LRRIQ3: variants seen among roughly 807,000 people sequenced by gnomAD.
The protein encoded by LRRIQ3 is leucine rich repeats and IQ motif containing 3.
Under a neutral mutation model 59.3 loss-of-function variants are expected in LRRIQ3, and 75 were observed. The observed-to-expected ratio is 1.26, with a 90% CI of 1.05 to 1.53. The LOEUF is 1.53. Ranked by LOEUF, LRRIQ3 falls within the 40% of genes most tolerant of loss-of-function variation. The probability of loss-of-function intolerance (pLI) is 0.00; values close to 1 mark genes in which losing one functional copy is unlikely to be tolerated. For synonymous variants in LRRIQ3, 250 were observed against 231.3 expected, an observed-to-expected ratio of 1.08 and a Z score of -0.73; for missense variants, 831 against 710.0, an observed-to-expected ratio of 1.17 and a Z score of -1.94.
chr1:74,077,638 G>A (rs1646225180), intron 5 of LRRIQ3, among the ~76,000 whole-genome samples: 1 of 151,788 alleles, frequency 6.6e-6, no homozygotes, highest in Non-Finnish European at 1.5e-5. Flanking sequence ...GTCATTGCTT[G>A]CCACATTTTA....
rs532642328 is a variant in LRRIQ3 at position 74,131,165 on chromosome 1, A to G, written c.708-21612T>C. On this transcript the variant is annotated intron_variant, in intron 4 of 7. Transcript: ENST00000354431. ...TCCTGGACACATACACCCTCCCAAG[A>G]CTAAACCAGGAGGAAGCTGAATCCC... Among the ~76,000 whole-genome samples the G allele has an allele frequency of 9.8e-5, 15 of 152,288 alleles. No individual in the cohort carries two copies. In the East Asian group the frequency reaches 2.9e-3, roughly 29 times the overall value.
At chr1:74,092,283 G>A (rs1274625487) in intron 5 of LRRIQ3, among the ~76,000 whole-genome samples, 1 of 152,040 alleles carries the variant, frequency 6.6e-6, no homozygotes, top group Admixed American at 6.6e-5. Context: ...GTATACCTCT[G>A]GAGTTTTACC....
At chr1:74,122,776 C>A (rs888840012) in intron 4 of LRRIQ3, among the ~76,000 whole-genome samples, 106 of 152,102 alleles carry the variant, frequency 7.0e-4, no homozygotes, top group Non-Finnish European at 1.2e-3. Context: ...TGGGCAAGGA[C>A]TTCATGTCTA....
intron 6 of LRRIQ3, among the ~76,000 whole-genome samples, chr1:74,049,676 G>A (rs1654304352): frequency 6.6e-6 from 1 of 152,052 alleles, no homozygotes; most frequent in Non-Finnish European, 1.5e-5. Flanking sequence ...ATTTTTATAT[G>A]TATTACTGTT....
intron 1 of LRRIQ3, among the ~76,000 whole-genome samples, chr1:74,197,486 C>A (rs1651266006): frequency 6.6e-6 from 1 of 152,040 alleles, no homozygotes; most frequent in Non-Finnish European, 1.5e-5. Flanking sequence ...TATATAGCTA[C>A]CCAAAAAAAC....
At chr1:74,031,528 C>T (rs1459681584) in intron 7 of LRRIQ3, among the ~76,000 whole-genome samples, 2 of 151,156 alleles carry the variant, frequency 1.3e-5, no homozygotes, top group African/African-American at 2.4e-5. Flanking sequence ...AACCAAACAC[C>T]GCATGTTCTC....
chr1:74,127,905 TCTGG>T (rs1646959436), intron 4 of LRRIQ3, among the ~76,000 whole-genome samples: 1 of 152,010 alleles, frequency 6.6e-6, no homozygotes, highest in Non-Finnish European at 1.5e-5. Context: ...GGTAGGCAAG[TCTGG>T]TATTGATGAA....
chr1:74,064,126 T>C (rs7529775), intron 6 of LRRIQ3, among the ~76,000 whole-genome samples: 14,253 of 151,840 alleles, frequency 0.094, 698 homozygotes, highest in Middle Eastern at 0.13. Context: ...TAATGTATAA[T>C]GTCTATATAT....
chr1:74,043,836 A>G (rs1297934116), intron 6 of LRRIQ3, among the ~76,000 whole-genome samples: 3 of 152,108 alleles, frequency 2.0e-5, no homozygotes, highest in East Asian at 1.9e-4. Context: ...GCCTAGGATT[A>G]TATAATACCA....
chr1:74,162,477 G>T (rs928578003), intron 3 of LRRIQ3, among the ~76,000 whole-genome samples: 2 of 151,748 alleles, frequency 1.3e-5, no homozygotes, highest in African/African-American at 4.8e-5. Context: ...AATGAAACGG[G>T]CTATTACTAA....
chr1:74,162,843 G>A (rs1648741718), intron 3 of LRRIQ3, among the ~76,000 whole-genome samples: 1 of 151,564 alleles, frequency 6.6e-6, no homozygotes, highest in African/African-American at 2.4e-5. Context: ...GGCTGGGAAG[G>A]GTAGAGGGAA....
chr1:74,126,936 C>A (rs1169661353), intron 4 of LRRIQ3, among the ~76,000 whole-genome samples: 1 of 151,854 alleles, frequency 6.6e-6, no homozygotes, highest in Non-Finnish European at 1.5e-5. Context: ...CTCTCCAATA[C>A]TGAAAGTGGG....
chr1:74,049,983 G>C (rs1286372709), intron 6 of LRRIQ3, among the ~76,000 whole-genome samples: 1 of 149,792 alleles, frequency 6.7e-6, no homozygotes, highest in Non-Finnish European at 1.5e-5. Flanking sequence ...GAGTGCAATG[G>C]CATGATCTCA....
At chr1:74,145,907 A>G (rs1227689425) in intron 4 of LRRIQ3, among the ~76,000 whole-genome samples, 1 of 152,166 alleles carries the variant, frequency 6.6e-6, no homozygotes, top group Non-Finnish European at 1.5e-5. Context: ...GTATACAGTT[A>G]TATGCCATAT....
In LRRIQ3 at chr1:74,037,707, C is replaced by T. The variant is rs143183307; in HGVS notation, c.1718+3506G>A. 2.0e-3 allele frequency among the ~76,000 whole-genome samples: 299 copies of T among 152,192 alleles called. 3 individuals carry two copies. The highest frequency in any genetic ancestry group is 7.0e-3 in the African/African-American group (289 of 41,532). On this transcript the variant is annotated intron_variant, in intron 7 of 7. Coordinates refer to ENST00000354431, the MANE Select transcript of LRRIQ3 (RefSeq NM_001105659.2). ...GAACTGACTAGGCAGCTGGTATGAC[C>T]CATGGAGAGGAAGGAAGAGCAGTGT...
At position 74,192,300 on chromosome 1, in the gene LRRIQ3, G is replaced by A. The variant is rs557717724; in HGVS notation, c.-1+5696C>T. Among the ~76,000 whole-genome samples, 3 of 152,132 alleles carry A rather than the reference G, an allele frequency of 2.0e-5. No individual in the cohort carries two copies. The East Asian group carries it at 5.8e-4, about 29-fold the overall frequency. On this transcript the variant is annotated intron_variant, in intron 1 of 7. Coordinates refer to ENST00000354431, the MANE Select transcript of LRRIQ3 (RefSeq NM_001105659.2). The stretch of plus-strand genomic sequence containing the variant: ...TGCAGGTTTGTTACAAAAGTATATT[G>A]CATAATGCTGCAATTTGGAGTATGA...
chr1:74,073,033 A>C (rs1655070561), intron 6 of LRRIQ3, among the ~76,000 whole-genome samples: 1 of 152,102 alleles, frequency 6.6e-6, no homozygotes, highest in Non-Finnish European at 1.5e-5. Context: ...AGAGCATAAA[A>C]AGTGTAAAGT....
rs939555038 is a variant in LRRIQ3, at chr1:74,041,355, T to C, written c.1576A>G (p.Thr526Ala). The C allele has an allele frequency of 1.2e-6, 2 of 1,613,836 alleles. No individual in the cohort carries two copies. Among genetic ancestry groups the C allele is most frequent in the Admixed American group, 1.7e-5 (1 of 59,990 alleles). ...TTAAGTAGTCCTCTGGTCAAAAGAG[T>C]GCGCTCATTATTTAAGTTTTGAACT... is the stretch of plus-strand genomic sequence containing the variant. Reference protein sequence around the residue: ...LLVQNLNNERTLLTRGLLKID... With the variant: ...LLVQNLNNERALLTRGLLKID... Residue 526 changes from threonine to alanine, a missense_variant, in exon 7 of 8, where the codon ACT (threonine) becomes GCT (alanine). Transcript: ENST00000354431.
intron 4 of LRRIQ3, among the ~76,000 whole-genome samples, chr1:74,130,158 C>A (rs1453928598): frequency 6.6e-6 from 1 of 152,064 alleles, no homozygotes; most frequent in South Asian, 2.1e-4. Context: ...GCCAGCCCAG[C>A]ACCAGGACTT....
Sources: gnomAD v4.1 joint callset for allele counts (sites outside exome capture counted in the v4.1 genomes callset) on GRCh38, gnomAD v4.1.1 for gene constraint, MANE v1.5 for transcripts, NCBI Gene and HGNC (gene_info 2026-07-23, HGNC 2026-07-21) for gene names.